CRPPA: variants seen among roughly 807,000 people sequenced by gnomAD.
CRPPA encodes D-ribitol-5-phosphate cytidylyltransferase.
In CRPPA, 43 loss-of-function variants were observed where a neutral mutation model predicts 52.0. The ratio of observed to expected loss-of-function variants is 0.83; its 90% CI spans 0.65 to 1.07. CRPPA has a LOEUF of 1.07. Ranked by LOEUF, CRPPA falls within the 50% of genes least tolerant of loss-of-function variation. The probability of loss-of-function intolerance (pLI) is 0.00; values close to 1 mark genes in which losing one functional copy is unlikely to be tolerated. For missense variants in CRPPA, 629 were observed against 551.7 expected (o/e 1.14, Z -1.40); for synonymous variants, 250 against 203.5 (o/e 1.23, Z -1.94).
In CRPPA at chr7:16,245,127, G is replaced by C. The variant is rs370522403; in HGVS notation, c.1119+13263C>G. ...AAGTTAATTCAGACAGAATGACAGA[G>C]AACACTATAGCCTCTGAAGTGCCTG... is the stretch of plus-strand genomic sequence containing the variant. On this transcript the variant is annotated intron_variant, in intron 8 of 9. Coordinates refer to ENST00000407010, the MANE Select transcript of CRPPA (RefSeq NM_001101426.4). Among the ~76,000 whole-genome samples the C allele has an allele frequency of 4.6e-5, 7 of 151,600 alleles. No homozygotes were observed. In the East Asian group the frequency reaches 7.8e-4, roughly 17 times the overall value.
intron 4 of CRPPA, among the ~76,000 whole-genome samples, chr7:16,307,975 C>G (rs1784950154): frequency 1.3e-5 from 2 of 150,630 alleles, no homozygotes; most frequent in Non-Finnish European, 2.9e-5. Flanking sequence ...GCCCAAATCT[C>G]ATGGGGAATT....
At chr7:16,221,690 A>C (rs1262586359) in intron 8 of CRPPA, among the ~76,000 whole-genome samples, 1 of 152,148 alleles carries the variant, frequency 6.6e-6, no homozygotes, top group Non-Finnish European at 1.5e-5. Context: ...AAAACACATG[A>C]AAAAATGCTC....
chr7:16,375,950 C>T, intron 3 of CRPPA, 142 bp downstream of exon 3: 1 of 786,326 alleles, frequency 1.3e-6, no homozygotes. Context: ...AGCTCTATAA[C>T]CTTAATACTT....
At chr7:16,137,920 A>T (rs181578673) in intron 9 of CRPPA, among the ~76,000 whole-genome samples, 3 of 152,306 alleles carry the variant, frequency 2.0e-5, no homozygotes, top group Non-Finnish European at 4.4e-5. Context: ...TATACAAAAT[A>T]TGAGCACTGA....
intron 9 of CRPPA, among the ~76,000 whole-genome samples, chr7:16,194,207 G>C (rs988761713): frequency 6.6e-6 from 1 of 152,074 alleles, no homozygotes; most frequent in Non-Finnish European, 1.5e-5. Flanking sequence ...TTGTGGGCAG[G>C]GGAGAATGTG....
chr7:16,157,515 G>A (rs1783209182), intron 9 of CRPPA, among the ~76,000 whole-genome samples: 2 of 151,992 alleles, frequency 1.3e-5, no homozygotes, highest in African/African-American at 2.4e-5. Context: ...ACTGTATCCT[G>A]AAATTTGAAT....
chr7:16,407,534 A>G (rs1787983157), intron 1 of CRPPA, among the ~76,000 whole-genome samples: 2 of 152,230 alleles, frequency 1.3e-5, no homozygotes, highest in South Asian at 4.1e-4. Flanking sequence ...TCATGCTAAA[A>G]CAGTTAAGTC....
chr7:16,336,925 C>T (rs568521197), intron 3 of CRPPA, among the ~76,000 whole-genome samples: 95 of 152,068 alleles, frequency 6.2e-4, no homozygotes, highest in Non-Finnish European at 1.1e-3. Flanking sequence ...GTTAAAATAG[C>T]AAGACCACAT....
intron 9 of CRPPA, among the ~76,000 whole-genome samples, chr7:16,161,130 C>G (rs2128381962): frequency 6.6e-6 from 1 of 152,292 alleles, no homozygotes; most frequent in South Asian, 2.1e-4. Flanking sequence ...CATCTACAAA[C>G]AGAGACAATT....
At chr7:16,229,848 G>C (rs1043307754) in intron 8 of CRPPA, among the ~76,000 whole-genome samples, 1 of 151,928 alleles carries the variant, frequency 6.6e-6, no homozygotes, top group African/African-American at 2.4e-5. Flanking sequence ...CTCAGCTTTT[G>C]TTTGTCCAGG....
chr7:16,279,097 T>A (rs1416086059), intron 5 of CRPPA, among the ~76,000 whole-genome samples: 1 of 152,184 alleles, frequency 6.6e-6, no homozygotes, highest in Non-Finnish European at 1.5e-5. Context: ...TACATAGCAT[T>A]ATATCATGGA....
chr7:16,303,409 C>T lies in CRPPA; in HGVS notation c.790-1943G>A, dbSNP rs542138506. ...TCATAGGCACGGTAAGGTAATAATA[C>T]GGTGGGAATTTCTCATTCCTATCAC... On this transcript the variant is annotated intron_variant, in intron 4 of 9. Coordinates refer to ENST00000407010, the MANE Select transcript of CRPPA (RefSeq NM_001101426.4). 8.8e-4 allele frequency among the ~76,000 whole-genome samples: 122 copies of T among 138,280 alleles called. No individual in the cohort carries two copies. The South Asian group carries it at 0.026, about 29-fold the overall frequency. The allele number at this position is 138,280 out of a possible 152,430, so 90.7% of individuals were successfully genotyped here.
At chr7:16,189,174 A>C (rs1781559742) in intron 9 of CRPPA, among the ~76,000 whole-genome samples, 1 of 152,080 alleles carries the variant, frequency 6.6e-6, no homozygotes, top group Non-Finnish European at 1.5e-5. Context: ...GACTAGAATA[A>C]ATCTCAGCAA....
intron 4 of CRPPA, among the ~76,000 whole-genome samples, chr7:16,304,718 A>G (rs1404857320): frequency 2.0e-5 from 3 of 152,186 alleles, no homozygotes; most frequent in Non-Finnish European, 4.4e-5. Context: ...AAATTCTACT[A>G]CTGAAATTCT....
intron 6 of CRPPA, among the ~76,000 whole-genome samples, chr7:16,265,006 G>T (rs1245180503): frequency 6.6e-6 from 1 of 152,138 alleles, no homozygotes; most frequent in African/African-American, 2.4e-5. Flanking sequence ...ATGAGGATTG[G>T]CTAAGCTAAT....
intron 2 of CRPPA, among the ~76,000 whole-genome samples, chr7:16,384,194 G>A (rs75856526): frequency 0.012 from 1,766 of 152,214 alleles, 41 homozygotes; most frequent in African/African-American, 0.041. Context: ...TTGATGTGGT[G>A]ATTTTTCACA....
intron 3 of CRPPA, among the ~76,000 whole-genome samples, chr7:16,374,518 C>A (rs556788366): frequency 6.6e-6 from 1 of 152,252 alleles, no homozygotes; most frequent in South Asian, 2.1e-4. Context: ...AGTTCTGTTC[C>A]TCTGGAGAAC....
intron 9 of CRPPA, among the ~76,000 whole-genome samples, chr7:16,164,873 C>A (rs1781016610): frequency 6.6e-6 from 1 of 152,144 alleles, no homozygotes; most frequent in African/African-American, 2.4e-5. Context: ...GCTCCTTCCT[C>A]TGGAAGCTTC....
At chr7:16,269,253 T>C (rs1784031766) in intron 6 of CRPPA, 1 of 151,838 alleles carries the variant, frequency 6.6e-6, no homozygotes, top group African/African-American at 2.4e-5. Flanking sequence ...AAGCAGGATA[T>C]GTAGAATGAC....
Sources: allele counts gnomAD v4.1 joint callset (sites outside exome capture counted in the v4.1 genomes callset), GRCh38; gene constraint gnomAD v4.1.1; transcripts MANE v1.5; gene names NCBI Gene and HGNC (gene_info 2026-07-23, HGNC 2026-07-21).